The following LACTB variants were observed in gnomAD, a reference collection of about 807,000 sequenced individuals.
LACTB encodes the protein serine beta-lactamase-like protein LACTB, mitochondrial.
Under a neutral mutation model 50.2 loss-of-function variants are expected in LACTB, and 35 were observed. That is an observed-to-expected ratio of 0.70 (90% CI 0.53 to 0.92). LACTB has a LOEUF of 0.92. LACTB is among the 40% of genes least tolerant of loss of function. The probability of loss-of-function intolerance (pLI) is 0.00; values close to 1 mark genes in which losing one functional copy is unlikely to be tolerated. For synonymous variants in LACTB, 252 were observed against 268.2 expected (o/e 0.94, Z 0.59); for missense variants, 664 against 691.8 (o/e 0.96, Z 0.45).
At chr15:63,125,918 A>G (rs1217179871) in intron 2 of LACTB, 1 of 147,668 alleles carries the variant, frequency 6.8e-6, no homozygotes, top group Admixed American at 6.8e-5. Flanking sequence ...TGCTCAGGCT[A>G]GTCTCGAAAT....
chr15:63,138,920 G>A (rs973798801), intron 5 of LACTB, among the ~76,000 whole-genome samples: 11 of 151,248 alleles, frequency 7.3e-5, no homozygotes, highest in African/African-American at 2.2e-4. Context: ...GGTGGTGGGC[G>A]CCTGTAATCC....
chr15:63,124,634 G>T (rs776843255), intron 2 of LACTB, among the ~76,000 whole-genome samples: 32 of 151,970 alleles, frequency 2.1e-4, no homozygotes, highest in Non-Finnish European at 8.8e-5. Context: ...GTCATCCTAG[G>T]TTTCTAGGAG....
chr15:63,128,726 ATTTAT>A (rs1017839709), intron 4 of LACTB, among the ~76,000 whole-genome samples: 25 of 152,156 alleles, frequency 1.6e-4, no homozygotes, highest in African/African-American at 4.6e-4. Context: ...GTGTGCCTAC[ATTTAT>A]TTTATTTTAT....
In LACTB at chr15:63,122,621, C is replaced by A; in HGVS notation, c.358-15C>A. ...GCAGGCCCGTAACTGTCGGTTCTTTCCCCTTCGGTCTTAGGATGAGGTGGG... is the reference window on the plus strand; with the variant it reads ...GCAGGCCCGTAACTGTCGGTTCTTTACCCTTCGGTCTTAGGATGAGGTGGG... On this transcript the variant is annotated splice_polypyrimidine_tract_variant and intron_variant, in intron 1 of 5. Coordinates refer to ENST00000261893, the MANE Select transcript of LACTB (RefSeq NM_032857.5). 1.1e-5 allele frequency: 17 copies of A among 1,607,282 alleles called. No homozygotes were observed. The highest frequency in any genetic ancestry group is 1.4e-5 in the Non-Finnish European group (16 of 1,173,706).
intron 1 of LACTB, 32 bp from the exon 2 acceptor site, chr15:63,122,604 G>T: frequency 6.4e-7 from 1 of 1,569,478 alleles, no homozygotes; most frequent in South Asian, 1.1e-5. Flanking sequence ...CAGCAGGCCC[G>T]TAACTGTCGG....
In LACTB at chr15:63,122,636, G is replaced by C; in HGVS notation, c.358G>C (p.Asp120His). Residue 120 changes from aspartate (D) to histidine (H), a missense_variant and splice_region_variant, in exon 2 of 6, where the codon GAT becomes CAT. Asp to His is a moderately conservative substitution (Grantham distance 81). Coordinates refer to ENST00000261893, the MANE Select transcript of LACTB (RefSeq NM_032857.5). ...TCGGTTCTTTCCCCTTCGGTCTTAGGATGAGGTGGGCGCACCGGGCATAGT... is the reference window on the plus strand; with the variant it reads ...TCGGTTCTTTCCCCTTCGGTCTTAGCATGAGGTGGGCGCACCGGGCATAGT... ...SSRDLLHRIK[D>H]EVGAPGIVVG... 1 of 1,612,808 alleles carries C rather than the reference G, an allele frequency of 6.2e-7. No homozygotes were observed. The highest frequency in any genetic ancestry group is 1.3e-5 in the African/African-American group (1 of 75,026).
At chr15:63,139,235 G>T (rs2037205203) in intron 5 of LACTB, among the ~76,000 whole-genome samples, 1 of 150,942 alleles carries the variant, frequency 6.6e-6, no homozygotes, top group South Asian at 2.1e-4. Flanking sequence ...GCATAGTGGT[G>T]CATGCCTGTA....
In LACTB at chr15:63,126,893, A is replaced by G. The variant is rs1056100852; in HGVS notation, c.459A>G (p.Pro153=). The change falls in exon 3 of 6, where the codon CCA becomes CCG. Residue 153 remains proline (P), a synonymous_variant. Transcript: ENST00000261893. ...LGYADVENRV[P]CKPETVMRIA... The stretch of plus-strand genomic sequence containing the variant: ...ATGCTGATGTTGAGAACCGTGTACC[A>G]TGTAAACCAGAGACAGTTATGCGAA... 4 of 1,611,780 alleles carry G rather than the reference A, an allele frequency of 2.5e-6. No individual in the cohort carries two copies. Among genetic ancestry groups the G allele is most frequent in the African/African-American group, 1.3e-5 (1 of 75,010 alleles).
chr15:63,135,806 G>T (rs2037170825), intron 5 of LACTB, among the ~76,000 whole-genome samples: 1 of 152,220 alleles, frequency 6.6e-6, no homozygotes, highest in Non-Finnish European at 1.5e-5. Flanking sequence ...ACCTTACTAT[G>T]ATTTAGATCT....
intron 5 of LACTB, among the ~76,000 whole-genome samples, chr15:63,136,965 T>C (rs1182421388): frequency 6.6e-6 from 1 of 152,210 alleles, no homozygotes; most frequent in African/African-American, 2.4e-5. Context: ...TTTAAAATAG[T>C]ACCATACGGT....
Position 63,127,504 on chromosome 15 carries a change from G to A in LACTB, c.767G>A (p.Ser256Asn), listed in dbSNP as rs966323504. The part of the protein sequence containing the change: ...VAFEQEKEGK[S>N]NEKNDFTKFK... ...TTTGAGCAAGAAAAAGAAGGCAAAAGTAATGAAAAGAATGATTTTACTAAA... is the reference window on the plus strand; with the variant it reads ...TTTGAGCAAGAAAAAGAAGGCAAAAATAATGAAAAGAATGATTTTACTAAA... The change falls in exon 4 of 6, where the codon AGT (serine) becomes AAT (asparagine). Residue 256 changes from serine to asparagine, a missense_variant. Transcript: ENST00000261893. The A allele has an allele frequency of 6.2e-7, 1 of 1,613,722 alleles. No individual in the cohort carries two copies. Among genetic ancestry groups the A allele is most frequent in the Non-Finnish European group, 8.5e-7 (1 of 1,179,852 alleles).
intron 1 of LACTB, 119 bp from the exon 2 acceptor site, chr15:63,122,517 G>C: frequency 2.4e-6 from 2 of 829,750 alleles, no homozygotes; most frequent in Non-Finnish European, 4.1e-6. Flanking sequence ...GGTGGGCGGG[G>C]CCCAGGTGGA....
At chr15:63,139,450 T>G (rs898349196) in intron 5 of LACTB, among the ~76,000 whole-genome samples, 3 of 151,326 alleles carry the variant, frequency 2.0e-5, no homozygotes, top group African/African-American at 7.3e-5. Context: ...GTCAGGAGTT[T>G]GAGACCAGCC....
intron 5 of LACTB, among the ~76,000 whole-genome samples, chr15:63,138,078 C>CACTTTGGG (rs2037192389): frequency 6.6e-6 from 1 of 152,130 alleles, no homozygotes. Flanking sequence ...GTAATCACAG[C>CACTTTGGG]ACTTTGGGAG....
At chr15:63,126,814 C>T in intron 2 of LACTB, 45 bp from the exon 3 acceptor site, 3 of 1,248,514 alleles carry the variant, frequency 2.4e-6, no homozygotes, top group South Asian at 3.7e-5. Flanking sequence ...ACTTGTTTGA[C>T]CATGAAGCCT....
At chr15:63,124,734 C>G (rs1191125097) in intron 2 of LACTB, among the ~76,000 whole-genome samples, 2 of 151,996 alleles carry the variant, frequency 1.3e-5, no homozygotes, top group Non-Finnish European at 2.9e-5. Flanking sequence ...AGGTGGGTTG[C>G]CTGAGCTTAG....
intron 5 of LACTB, among the ~76,000 whole-genome samples, chr15:63,136,896 A>G (rs1305280488): frequency 6.6e-6 from 1 of 152,142 alleles, no homozygotes. Context: ...TAGAGTTACT[A>G]TGTTTCCAGG....
intron 5 of LACTB, among the ~76,000 whole-genome samples, chr15:63,139,348 T>C (rs1056740618): frequency 6.8e-6 from 1 of 147,848 alleles, no homozygotes; most frequent in Non-Finnish European, 1.5e-5. Context: ...AGAGCAAGAC[T>C]CAGTGTCAAA....
intron 2 of LACTB, among the ~76,000 whole-genome samples, chr15:63,124,098 A>G (rs1399365340): frequency 1.3e-5 from 2 of 152,112 alleles, no homozygotes; most frequent in Non-Finnish European, 2.9e-5. Context: ...GCGTCTTCCT[A>G]GATGCTGGCG....
Sources: gnomAD v4.1 joint callset for allele counts (sites outside exome capture counted in the v4.1 genomes callset) on GRCh38, gnomAD v4.1.1 for gene constraint, MANE v1.5 for transcripts, NCBI Gene and HGNC (gene_info 2026-07-23, HGNC 2026-07-21) for gene names.